SPTB: variants seen among roughly 807,000 people sequenced by gnomAD.
The protein encoded by SPTB is spectrin beta, erythrocytic, also known as spectrin beta chain, erythrocytic.
SPTB carries 45 observed loss-of-function variants against 256.2 expected under a neutral mutation model. The ratio of observed to expected loss-of-function variants is 0.18; its 90% CI spans 0.14 to 0.23. The LOEUF (loss-of-function observed/expected upper bound fraction) is 0.23. SPTB is among the 10% of genes least tolerant of loss of function. The probability of loss-of-function intolerance (pLI) is 1.00; values close to 1 mark genes in which losing one functional copy is unlikely to be tolerated. For missense variants in SPTB, 2,715 were observed against 3,040.4 expected (o/e 0.89, Z 2.52); for synonymous variants, 1,231 against 1,243.1 (o/e 0.99, Z 0.21).
rs192524936 is a variant in SPTB, at chr14:64,841,522, T to G, written c.-51-18377A>C. On this transcript the variant is annotated intron_variant, in intron 1 of 35. Coordinates refer to ENST00000644917, the MANE Select transcript of SPTB (RefSeq NM_001355436.2). This position sits in a 1 kb window ranked among gnomAD's most constrained non-coding sequence, Gnocchi z 4.6. ...CCAGGAGGCTCTTCAGGGTCACAGC[T>G]AATCCACGCCCTGAGATTTCAAAAC... Among the ~76,000 whole-genome samples the G allele has an allele frequency of 9.2e-5, 14 of 152,332 alleles. No individual in the cohort carries two copies. The highest frequency in any genetic ancestry group is 3.4e-4 in the African/African-American group (14 of 41,570).
In SPTB at chr14:64,764,905, G is replaced by C. The variant is rs1024626473; in HGVS notation, c.6345+1821C>G. The stretch of plus-strand genomic sequence containing the variant: ...CATGCGATGACGGGAGCTTCGGAGG[G>C]AACTTCTGGGAGAGACCCTTCAGCA... On this transcript the variant is annotated intron_variant, in intron 32 of 35. Coordinates refer to ENST00000644917, the MANE Select transcript of SPTB (RefSeq NM_001355436.2). The surrounding 1 kb of genome is among the most constrained non-coding windows in gnomAD (Gnocchi z 4.2). 6.6e-6 allele frequency among the ~76,000 whole-genome samples: 1 copy of C among 152,116 alleles called. No homozygotes were observed. The highest frequency in any genetic ancestry group is 1.5e-5 in the Non-Finnish European group (1 of 68,024).
At chr14:64,787,887 T>C (rs1594776715) in intron 15 of SPTB, among the ~76,000 whole-genome samples, 1 of 152,234 alleles carries the variant, frequency 6.6e-6, no homozygotes, top group East Asian at 1.9e-4. Context: ...CTAGGGACAC[T>C]GCCCTTGGGC....
chr14:64,760,718 G>A lies in SPTB; in HGVS notation c.6345+6008C>T, dbSNP rs2082080905. ...AATGATCACCTACTCAGTGCCAGCT[G>A]CTCTACCTACATTGTCTCTTCCAAT... is the stretch of plus-strand genomic sequence containing the variant. On this transcript the variant is annotated intron_variant, in intron 32 of 35. Transcript: ENST00000644917. This position sits in a 1 kb window ranked among gnomAD's most constrained non-coding sequence, Gnocchi z 4.3. Among the ~76,000 whole-genome samples, 1 of 152,190 alleles carries A rather than the reference G, an allele frequency of 6.6e-6. No homozygotes were observed.
In SPTB at chr14:64,782,482, G is replaced by C. The variant is rs146570433; in HGVS notation, c.4074C>G (p.His1358Gln). 2.5e-6 allele frequency: 4 copies of C among 1,614,042 alleles called. No homozygotes were observed. The African/African-American group carries it at 5.3e-5, about 22-fold the overall frequency. Residue 1358 changes from histidine (H) to glutamine (Q), a missense_variant, in exon 20 of 36, where the codon CAC becomes CAG. His to Gln is a conservative substitution (Grantham distance 24). Coordinates refer to ENST00000644917, the MANE Select transcript of SPTB (RefSeq NM_001355436.2). ...TGGCCTGCAGCTCGTCCCAGAGCCG[G>C]TGCAGGGCTTCCAGCTTTTGGGACA... is the stretch of plus-strand genomic sequence containing the variant. ...ALVSQKLEAL[H>Q]RLWDELQATT... is the part of the protein sequence containing the mutation.
chr14:64,871,771 G>A (rs1047069026), intron 1 of SPTB, among the ~76,000 whole-genome samples: 5 of 152,164 alleles, frequency 3.3e-5, no homozygotes, highest in African/African-American at 1.2e-4. Flanking sequence ...ACTCTTCATT[G>A]TATACCCTTG....
intron 1 of SPTB, among the ~76,000 whole-genome samples, chr14:64,830,908 C>T (rs982571771): frequency 6.6e-5 from 10 of 152,154 alleles, no homozygotes; most frequent in Non-Finnish European, 1.3e-4. Context: ...ACATCCCATA[C>T]CCTGATATTT....
chr14:64,864,919 T>A (rs1053861472), intron 1 of SPTB, among the ~76,000 whole-genome samples: 14 of 152,206 alleles, frequency 9.2e-5, no homozygotes, highest in African/African-American at 3.4e-4. Context: ...CTGCACTGAC[T>A]ATGCAAGCTC....
chr14:64,793,989 G>A lies in SPTB; in HGVS notation c.1796-122C>T, dbSNP rs936515091. ...AAGCTGCCATGTCACTGGGGCTTTG[G>A]GGTTGGATGCAGGGGGGTCCCAGTT... On this transcript the variant is annotated intron_variant, in intron 13 of 35. Coordinates refer to ENST00000644917, the MANE Select transcript of SPTB (RefSeq NM_001355436.2). The surrounding 1 kb of genome is among the most constrained non-coding windows in gnomAD (Gnocchi z 7.0). 2 of 946,420 alleles carry A rather than the reference G, an allele frequency of 2.1e-6. No individual in the cohort carries two copies. The highest frequency in any genetic ancestry group is 2.8e-5 in the Admixed American group (1 of 35,860). The allele number at this position is 946,420 out of a possible 1,614,324, so 58.6% of individuals were successfully genotyped here. A position where few individuals can be genotyped will look rare whatever the true frequency, so the allele number is the denominator to read the frequency against.
chr14:64,815,511 G>A (rs1278457563), intron 2 of SPTB, among the ~76,000 whole-genome samples: 1 of 152,180 alleles, frequency 6.6e-6, no homozygotes, highest in African/African-American at 2.4e-5. Flanking sequence ...GAGATGATCT[G>A]AACAAAAGCA....
At position 64,779,889 on chromosome 14, in the gene SPTB, C is replaced by T. The variant is rs2082433075; in HGVS notation, c.4309G>A (p.Glu1437Lys). 1 of 1,613,878 alleles carries T rather than the reference C, an allele frequency of 6.2e-7. No individual in the cohort carries two copies. The highest frequency in any genetic ancestry group is 1.7e-5 in the Admixed American group (1 of 60,002). Residue 1437 changes from glutamate to lysine, a missense_variant, in exon 21 of 36, where the codon GAG (glutamate) becomes AAG (lysine). Physicochemically the swap from Glu to Lys is moderately conservative, Grantham distance 56 (BLOSUM62 1). Coordinates refer to ENST00000644917, the MANE Select transcript of SPTB (RefSeq NM_001355436.2). This position sits in a 1 kb window ranked among gnomAD's most constrained non-coding sequence, Gnocchi z 4.2. ...QVNVRKEELG[E>K]LFAQVPSMGE... Reference sequence around the variant, plus strand: ...ATTGAAGGCACCTGGGCAAACAGCTCCCCCAGCTCCTCTTTTCGCACATTC... The same window carrying T: ...ATTGAAGGCACCTGGGCAAACAGCTTCCCCAGCTCCTCTTTTCGCACATTC...
chr14:64,838,166 T>C (rs1214579716), intron 1 of SPTB, among the ~76,000 whole-genome samples: 1 of 152,184 alleles, frequency 6.6e-6, no homozygotes, highest in Non-Finnish European at 1.5e-5. Context: ...GGAGAAAGGA[T>C]AGTCTTTTTA....
At position 64,844,295 on chromosome 14, in the gene SPTB, G is replaced by T. The variant is rs144455921; in HGVS notation, c.-51-21150C>A. Among the ~76,000 whole-genome samples the T allele has an allele frequency of 3.2e-4, 48 of 152,298 alleles. 2 individuals are homozygous for T. The East Asian group carries it at 8.3e-3, about 26-fold the overall frequency. On this transcript the variant is annotated intron_variant, in intron 1 of 35. Transcript: ENST00000644917. The surrounding 1 kb of genome is among the most constrained non-coding windows in gnomAD (Gnocchi z 4.1). ...CCTCAGTTGTGAATTATCCACCTAT[G>T]TGTGAAGGGACCAGGTCCCAACACA...
chr14:64,789,850 T>C (rs982948243), intron 15 of SPTB, among the ~76,000 whole-genome samples: 24 of 152,246 alleles, frequency 1.6e-4, no homozygotes, highest in African/African-American at 5.5e-4. Context: ...GACTGGCTCA[T>C]GCAGAGACAG....
chr14:64,810,111 AAAG>A (rs1176864174), intron 2 of SPTB, among the ~76,000 whole-genome samples: 2 of 152,232 alleles, frequency 1.3e-5, no homozygotes, highest in African/African-American at 4.8e-5. Flanking sequence ...TTTGTCTATC[AAAG>A]AATAGTGTAA....
intron 1 of SPTB, among the ~76,000 whole-genome samples, chr14:64,874,476 C>T (rs950625928): frequency 2.6e-5 from 4 of 152,198 alleles, no homozygotes; most frequent in South Asian, 4.1e-4. Flanking sequence ...AATTCTCTCT[C>T]GGGCCTTTCT....
Position 64,797,867 on chromosome 14 carries a change from G to A in SPTB, c.1065-21C>T, listed in dbSNP as rs745435008. On this transcript the variant is annotated intron_variant, in intron 9 of 35. Transcript: ENST00000644917. Reference sequence around the variant, plus strand: ...GAAACCTGTCAAGAAAACAGAAGTAGGAAGACTGATGTTAAGATCTCATGG... The same window carrying A: ...GAAACCTGTCAAGAAAACAGAAGTAAGAAGACTGATGTTAAGATCTCATGG... 3.1e-6 allele frequency: 5 copies of A among 1,597,196 alleles called. No individual in the cohort carries two copies. In the South Asian group the frequency reaches 4.4e-5, roughly 14 times the overall value.
In SPTB at chr14:64,770,228, T is replaced by C. The variant is rs141988493; in HGVS notation, c.5799-500A>G. 6.5e-3 allele frequency among the ~76,000 whole-genome samples: 994 copies of C among 152,234 alleles called. 14 individuals carry two copies. Among genetic ancestry groups the C allele is most frequent in the African/African-American group, 0.023 (958 of 41,524 alleles). On this transcript the variant is annotated intron_variant, in intron 27 of 35. Transcript: ENST00000644917. ...GCGGAGTGATGAAAATCTTCTAACCTTAGATTGTGGGGATAGTTGTGTAAC... is the reference window on the plus strand; with the variant it reads ...GCGGAGTGATGAAAATCTTCTAACCCTAGATTGTGGGGATAGTTGTGTAAC...
At chr14:64,773,114 C>T (rs1240787007) in intron 25 of SPTB, 106 bp downstream of exon 25, 53 of 1,557,150 alleles carry the variant, frequency 3.4e-5, no homozygotes, top group South Asian at 4.6e-5. Flanking sequence ...CCGCCTCACA[C>T]TGGGGAGGTT....
At chr14:64,788,703 G>T (rs2082618417) in intron 15 of SPTB, among the ~76,000 whole-genome samples, 1 of 152,328 alleles carries the variant, frequency 6.6e-6, no homozygotes, top group Non-Finnish European at 1.5e-5. Flanking sequence ...TGTAGCCATT[G>T]GGTGGAGGCC....
Sources: gnomAD v4.1 joint callset for allele counts (sites outside exome capture counted in the v4.1 genomes callset) on GRCh38, gnomAD v4.1.1 for gene constraint, Gnocchi (gnomAD v3.1) non-coding constraint, MANE v1.5 for transcripts, NCBI Gene and HGNC (gene_info 2026-07-23, HGNC 2026-07-21) for gene names.